CABLES1: variants seen among roughly 807,000 people sequenced by gnomAD.
CABLES1 encodes the protein Cdk5 and Abl enzyme substrate 1.
A neutral mutation model predicts 57.8 loss-of-function variants in CABLES1; 36 were observed. The ratio of observed to expected loss-of-function variants is 0.62; its 90% CI spans 0.48 to 0.82. The LOEUF is 0.82. CABLES1 is among the 40% of genes least tolerant of loss of function. CABLES1 has a pLI of 0.00. For synonymous variants in CABLES1, 374 were observed against 363.0 expected (o/e 1.03, Z -0.35); for missense variants, 767 against 836.6 (o/e 0.92, Z 1.03).
At chr18:23,191,574 T>C (rs2047242957) in intron 2 of CABLES1, among the ~76,000 whole-genome samples, 1 of 152,150 alleles carries the variant, frequency 6.6e-6, no homozygotes, top group African/African-American at 2.4e-5. Context: ...CAACTTGCTT[T>C]TAAGCTTAGC....
chr18:23,194,468 C>T lies in CABLES1; in HGVS notation c.938C>T (p.Ser313Leu). 1 of 1,612,048 alleles carries T rather than the reference C, an allele frequency of 6.2e-7. No individual in the cohort carries two copies. Among genetic ancestry groups the T allele is most frequent in the Non-Finnish European group, 8.5e-7 (1 of 1,178,126 alleles). The stretch of plus-strand genomic sequence containing the variant: ...TTCAGATGTCGAACTCTCTCAGGTT[C>T]ACCCAGACCAAAGAATTTTAAGAAG... ...PLRRCRTLSG[S>L]PRPKNFKKIH... Residue 313 changes from serine (S) to leucine (L), a missense_variant, in exon 3 of 10, where the codon TCA becomes TTA. By Grantham distance (145) the Ser-to-Leu change is moderately radical. Around this residue, in one of 4 missense-constraint regions of CABLES1, gnomAD observed 529 missense variants for 622.8 expected, o/e 0.85. Transcript: ENST00000256925.
intron 3 of CABLES1, among the ~76,000 whole-genome samples, chr18:23,207,521 G>T (rs1331176212): frequency 1.3e-5 from 2 of 152,132 alleles, no homozygotes; most frequent in Non-Finnish European, 2.9e-5. Context: ...CTTCCTGTGT[G>T]TTCAGTAGCG....
At chr18:23,187,480 G>C (rs1287374937) in intron 1 of CABLES1, among the ~76,000 whole-genome samples, 1 of 152,144 alleles carries the variant, frequency 6.6e-6, no homozygotes, top group Non-Finnish European at 1.5e-5. Context: ...TCTGCCTCCC[G>C]GGTTCACGCC....
intron 9 of CABLES1, 48 bp downstream of exon 9, chr18:23,253,984 G>C (rs367885027): frequency 2.0e-6 from 3 of 1,530,204 alleles, no homozygotes; most frequent in Admixed American, 1.7e-5. Context: ...GCTCCGGTCC[G>C]GGGTTCCTCT....
At chr18:23,234,535 TG>T in intron 4 of CABLES1, 72 bp from the exon 5 acceptor site, 1 of 1,057,104 alleles carries the variant, frequency 9.5e-7, no homozygotes, top group Non-Finnish European at 1.5e-6. Flanking sequence ...TGTTGTCTCA[TG>T]GAGTAAGCAT....
chr18:23,224,305 C>T (rs1052508940), intron 4 of CABLES1, among the ~76,000 whole-genome samples: 2 of 152,026 alleles, frequency 1.3e-5, no homozygotes, highest in Admixed American at 1.3e-4. Context: ...AGCCCTTACC[C>T]ATCCTTGCTG....
chr18:23,213,631 C>A (rs2047420441), intron 3 of CABLES1, among the ~76,000 whole-genome samples: 1 of 152,244 alleles, frequency 6.6e-6, no homozygotes, highest in South Asian at 2.1e-4. Context: ...TGTGGCATGA[C>A]TGCTCACCCA....
intron 1 of CABLES1, among the ~76,000 whole-genome samples, chr18:23,171,654 G>A (rs2047082935): frequency 6.6e-6 from 1 of 152,100 alleles, no homozygotes; most frequent in Non-Finnish European, 1.5e-5. Flanking sequence ...TGCTTTGACT[G>A]TTGTCTCTCT....
intron 4 of CABLES1, among the ~76,000 whole-genome samples, chr18:23,231,924 G>GC (rs1282323719): frequency 6.6e-6 from 1 of 152,172 alleles, no homozygotes; most frequent in Non-Finnish European, 1.5e-5. Context: ...CTGCCCCGGG[G>GC]AAGCAGTGAG....
chr18:23,225,076 A>G (rs1263595603), intron 4 of CABLES1, among the ~76,000 whole-genome samples: 1 of 152,212 alleles, frequency 6.6e-6, no homozygotes, highest in East Asian at 1.9e-4. Flanking sequence ...CATGCTGCCC[A>G]GGCTGGTCTC....
intron 3 of CABLES1, among the ~76,000 whole-genome samples, chr18:23,210,875 G>C (rs1374618398): frequency 1.3e-5 from 2 of 152,140 alleles, no homozygotes; most frequent in Non-Finnish European, 2.9e-5. Context: ...GATTGGAGAA[G>C]GGAGGGGAAG....
intron 7 of CABLES1, among the ~76,000 whole-genome samples, chr18:23,243,699 C>CCT (rs2047800519): frequency 1.3e-5 from 2 of 151,586 alleles, no homozygotes; most frequent in Non-Finnish European, 2.9e-5. Flanking sequence ...ATGGCAAAAC[C>CCT]GTCTCTACTA....
intron 1 of CABLES1, chr18:23,155,801 T>C (rs1041485622): frequency 7.6e-6 from 12 of 1,583,368 alleles, no homozygotes; most frequent in Admixed American, 3.6e-5. Flanking sequence ...AGGTTTGGTC[T>C]CAACAGTGCT....
intron 4 of CABLES1, among the ~76,000 whole-genome samples, chr18:23,224,506 G>A (rs1452610532): frequency 6.7e-6 from 1 of 149,028 alleles, no homozygotes; most frequent in African/African-American, 2.5e-5. Context: ...TGTGAAAGCT[G>A]TAGTAGATAT....
At chr18:23,222,591 ATAAT>A (rs1168868762) in intron 4 of CABLES1, among the ~76,000 whole-genome samples, 2 of 148,700 alleles carry the variant, frequency 1.3e-5, no homozygotes, top group African/African-American at 4.9e-5. Flanking sequence ...ATAGATATAT[ATAAT>A]TAGATATATA....
intron 1 of CABLES1, among the ~76,000 whole-genome samples, chr18:23,139,486 AC>A (rs1331805852): frequency 1.3e-5 from 2 of 152,088 alleles, no homozygotes; most frequent in African/African-American, 4.8e-5. Flanking sequence ...TCATTGGAAC[AC>A]TTGTAAAACC....
At chr18:23,134,991 A>G (rs1247879171), upstream of CABLES1, among the ~76,000 whole-genome samples, 1 of 152,006 alleles carries the variant, frequency 6.6e-6, no homozygotes, top group South Asian at 2.1e-4. Context: ...TATGAAAAGG[A>G]TCTATTTACT....
chr18:23,187,230 G>A (rs1039665932), intron 1 of CABLES1, among the ~76,000 whole-genome samples: 12 of 152,214 alleles, frequency 7.9e-5, no homozygotes, highest in African/African-American at 2.7e-4. Flanking sequence ...TTCACTGTTA[G>A]TTAATTGCAG....
chr18:23,216,630 G>C (rs2047444034), intron 4 of CABLES1, among the ~76,000 whole-genome samples: 1 of 152,190 alleles, frequency 6.6e-6, no homozygotes, highest in African/African-American at 2.4e-5. Flanking sequence ...TGGCTCCTCT[G>C]TAGAATGGGG....
Sources: gnomAD v4.1 joint callset for allele counts (sites outside exome capture counted in the v4.1 genomes callset) on GRCh38, gnomAD v4.1.1 for gene constraint, gnomAD v4.1.1 regional missense constraint, MANE v1.5 for transcripts, NCBI Gene and HGNC (gene_info 2026-07-23, HGNC 2026-07-21) for gene names.